The following PTPRD variants were observed in gnomAD, a reference collection of about 807,000 sequenced individuals.
The protein encoded by PTPRD is receptor-type tyrosine-protein phosphatase delta.
A neutral mutation model predicts 214.5 loss-of-function variants in PTPRD; 34 were observed. The ratio of observed to expected loss-of-function variants is 0.16; its 90% CI spans 0.12 to 0.21. PTPRD has a LOEUF of 0.21. PTPRD is among the 10% of genes least tolerant of loss of function. PTPRD has a pLI of 1.00. For missense variants in PTPRD, 2,545 were observed against 2,398.7 expected, an observed-to-expected ratio of 1.06 and a Z score of -1.27; for synonymous variants, 1,128 against 845.7, an observed-to-expected ratio of 1.33 and a Z score of -5.79.
At chr9:8,356,564 T>G (rs2077042017) in intron 39 of PTPRD, among the ~76,000 whole-genome samples, 1 of 152,216 alleles carries the variant, frequency 6.6e-6, no homozygotes, top group Non-Finnish European at 1.5e-5. Flanking sequence ...CTGGGAAAAC[T>G]CAGTGATACC....
chr9:9,871,390 C>G (rs1184755300), intron 5 of PTPRD, among the ~76,000 whole-genome samples: 1 of 152,094 alleles, frequency 6.6e-6, no homozygotes, highest in Non-Finnish European at 1.5e-5. Context: ...TTGATGGAGC[C>G]TTGTCTATTC....
intron 3 of PTPRD, among the ~76,000 whole-genome samples, chr9:10,336,404 G>A (rs1022545784): frequency 8.1e-4 from 123 of 151,602 alleles, no homozygotes; most frequent in African/African-American, 2.8e-3. Flanking sequence ...AGGATTATGG[G>A]TGGGAGTTTT....
At chr9:9,449,312 A>T (rs1166039862) in intron 8 of PTPRD, among the ~76,000 whole-genome samples, 3 of 152,134 alleles carry the variant, frequency 2.0e-5, no homozygotes, top group African/African-American at 7.2e-5. Context: ...ATGTAAGATT[A>T]TCTCAAACAT....
At chr9:9,605,358 T>C (rs529311151) in intron 7 of PTPRD, among the ~76,000 whole-genome samples, 3 of 152,190 alleles carry the variant, frequency 2.0e-5, no homozygotes, top group Admixed American at 2.0e-4. Context: ...CTATAGTGTC[T>C]ATGTCATTGG....
At chr9:9,450,921 G>T (rs900993233) in intron 8 of PTPRD, among the ~76,000 whole-genome samples, 2 of 145,008 alleles carry the variant, frequency 1.4e-5, no homozygotes, top group African/African-American at 5.1e-5. Flanking sequence ...GTGAATATTT[G>T]AGTACATCTA....
chr9:10,168,560 G>C (rs2099174474), intron 3 of PTPRD, among the ~76,000 whole-genome samples: 2 of 152,080 alleles, frequency 1.3e-5, no homozygotes, highest in Admixed American at 6.6e-5. Context: ...CATCTTTTGT[G>C]CTTCTCTTTC....
intron 9 of PTPRD, among the ~76,000 whole-genome samples, chr9:9,288,874 C>T (rs1025931225): frequency 1.3e-4 from 20 of 151,726 alleles, no homozygotes; most frequent in Admixed American, 1.1e-3. Flanking sequence ...TTATAAGGGA[C>T]TTTTCCTCCT....
intron 6 of PTPRD, among the ~76,000 whole-genome samples, chr9:9,761,598 A>G (rs543032094): frequency 7.9e-5 from 12 of 152,290 alleles, no homozygotes; most frequent in African/African-American, 2.6e-4. Flanking sequence ...CTCAATTTCA[A>G]TATGCTGGTT....
At chr9:10,576,073 AT>A (rs1352614531) in intron 2 of PTPRD, among the ~76,000 whole-genome samples, 1 of 152,170 alleles carries the variant, frequency 6.6e-6, no homozygotes, top group African/African-American at 2.4e-5. Flanking sequence ...TCTAAAAAAA[AT>A]ATTTTCTACT....
intron 10 of PTPRD, among the ~76,000 whole-genome samples, chr9:9,172,094 A>G (rs2130998522): frequency 6.6e-6 from 1 of 152,282 alleles, no homozygotes. Context: ...AAATTACTGC[A>G]TATCTTAGTA....
At chr9:9,252,026 T>C (rs1048429837) in intron 9 of PTPRD, among the ~76,000 whole-genome samples, 4 of 152,066 alleles carry the variant, frequency 2.6e-5, no homozygotes, top group Non-Finnish European at 5.9e-5. Context: ...AGCTGAATTT[T>C]ATATCTCGGC....
chr9:10,319,002 T>C (rs895698258), intron 3 of PTPRD, among the ~76,000 whole-genome samples: 1 of 152,010 alleles, frequency 6.6e-6, no homozygotes, highest in African/African-American at 2.4e-5. Context: ...TGCTTTTCCC[T>C]CTCCTTCTTC....
At chr9:10,462,763 C>T (rs2098968009) in intron 2 of PTPRD, among the ~76,000 whole-genome samples, 1 of 151,222 alleles carries the variant, frequency 6.6e-6, no homozygotes, top group South Asian at 2.1e-4. Context: ...ATTTCACAAA[C>T]TTTGTTGAAA....
intron 3 of PTPRD, among the ~76,000 whole-genome samples, chr9:10,263,390 A>G (rs2093825982): frequency 6.6e-6 from 1 of 152,106 alleles, no homozygotes; most frequent in Non-Finnish European, 1.5e-5. Flanking sequence ...AATTTCCTAG[A>G]GACTTGTTGG....
chr9:8,915,786 G>T (rs1024510797), intron 11 of PTPRD, among the ~76,000 whole-genome samples: 6 of 152,180 alleles, frequency 3.9e-5, no homozygotes, highest in Admixed American at 6.5e-5. Context: ...CAAGTGATTG[G>T]ATGAGGCACA....
At position 8,324,891 on chromosome 9, in the gene PTPRD, A is replaced by G. The variant is rs145005619; in HGVS notation, c.5535-4925T>C. ...TTTTCATATGTTTGTCTGCCGCATCAGTGTCTTCTTTTGAGAAGTGTCTGT... is the reference window on the plus strand; with the variant it reads ...TTTTCATATGTTTGTCTGCCGCATCGGTGTCTTCTTTTGAGAAGTGTCTGT... On this transcript the variant is annotated intron_variant, in intron 44 of 45. Coordinates refer to ENST00000381196, the MANE Select transcript of PTPRD (RefSeq NM_002839.4). 7.5e-4 allele frequency among the ~76,000 whole-genome samples: 114 copies of G among 152,158 alleles called. 1 individual carries two copies. The East Asian group carries it at 7.8e-3, about 10-fold the overall frequency.
chr9:9,474,771 T>A (rs2146722397), intron 8 of PTPRD, among the ~76,000 whole-genome samples: 1 of 152,256 alleles, frequency 6.6e-6, no homozygotes, highest in Middle Eastern at 3.4e-3. Context: ...CTACTAATTT[T>A]ATGTTAATTT....
intron 4 of PTPRD, among the ~76,000 whole-genome samples, chr9:9,963,786 C>G (rs1373738756): frequency 6.6e-6 from 1 of 152,006 alleles, no homozygotes; most frequent in Non-Finnish European, 1.5e-5. Context: ...CAATTTAGTT[C>G]CTGAAGGGTA....
intron 39 of PTPRD, among the ~76,000 whole-genome samples, chr9:8,355,515 T>C (rs765511669): frequency 3.9e-5 from 6 of 152,202 alleles, no homozygotes; most frequent in Non-Finnish European, 7.3e-5. Context: ...CTACTGGTCA[T>C]GTTTAAGGAT....
Sources: allele counts gnomAD v4.1 joint callset (sites outside exome capture counted in the v4.1 genomes callset), GRCh38; gene constraint gnomAD v4.1.1; transcripts MANE v1.5; gene names NCBI Gene and HGNC (gene_info 2026-07-23, HGNC 2026-07-21).